Variants in LRP1B observed in about 807,000 individuals in gnomAD.
LRP1B encodes low-density lipoprotein receptor-related protein 1B.
LRP1B carries 217 observed loss-of-function variants against 556.6 expected under a neutral mutation model. That is an observed-to-expected ratio of 0.39 (90% CI 0.35 to 0.44). The LOEUF (loss-of-function observed/expected upper bound fraction) is 0.44, where lower values mean the gene tolerates loss of function less well. Among genes scored for constraint, LRP1B ranks in the 20% least tolerant of loss-of-function variants. The pLI, the probability that LRP1B is intolerant of heterozygous loss-of-function variation, is 1.00. For synonymous variants in LRP1B, 2,047 were observed against 1,865.8 expected (o/e 1.10, Z -2.50); for missense variants, 5,053 against 5,620.8 (o/e 0.90, Z 3.23).
At chr2:141,917,356 T>TGGTG (rs1700064924) in intron 1 of LRP1B, among the ~76,000 whole-genome samples, 1 of 152,148 alleles carries the variant, frequency 6.6e-6, no homozygotes. Context: ...GTATGGTGTG[T>TGGTG]GGTGTGTAGA....
In LRP1B at chr2:141,271,738, C is replaced by A. The variant is rs183044522; in HGVS notation, c.344-17097G>T. On this transcript the variant is annotated intron_variant, in intron 3 of 90. Transcript: ENST00000389484. ...TAAAGGAAATTCTTTAGACACAGAA[C>A]AATTGACTGCAGATAGTAAGTAGAA... 2.3e-4 allele frequency among the ~76,000 whole-genome samples: 34 copies of A among 145,454 alleles called. 1 individual carries two copies. In the East Asian group the frequency reaches 6.4e-3, roughly 27 times the overall value.
intron 3 of LRP1B, among the ~76,000 whole-genome samples, chr2:141,424,160 C>T: frequency 7.2e-6 from 1 of 139,246 alleles, no homozygotes; most frequent in Non-Finnish European, 1.5e-5. Flanking sequence ...GTTGCCTGGG[C>T]TGGAGGGCAA....
chr2:141,386,273 C>T (rs1394675074), intron 3 of LRP1B, among the ~76,000 whole-genome samples: 1 of 152,070 alleles, frequency 6.6e-6, no homozygotes. Context: ...ATCCAAAACA[C>T]TTATGGTTTC....
At chr2:141,792,449 A>G (rs1695645592) in intron 2 of LRP1B, among the ~76,000 whole-genome samples, 2 of 152,026 alleles carry the variant, frequency 1.3e-5, no homozygotes, top group African/African-American at 4.8e-5. Context: ...ATGTTTCATC[A>G]TGAAAAATTA....
chr2:140,878,465 G>A (rs1447128113), intron 25 of LRP1B, among the ~76,000 whole-genome samples: 2 of 151,994 alleles, frequency 1.3e-5, no homozygotes, highest in Non-Finnish European at 2.9e-5. Flanking sequence ...TTAATATAAA[G>A]CTGATAGGCT....
chr2:141,674,754 T>C (rs1690811802), intron 2 of LRP1B, among the ~76,000 whole-genome samples: 1 of 152,034 alleles, frequency 6.6e-6, no homozygotes, highest in African/African-American at 2.4e-5. Flanking sequence ...CAGGGAATTG[T>C]ATCCAGATAT....
At chr2:141,525,598 T>C (rs940180689) in intron 2 of LRP1B, among the ~76,000 whole-genome samples, 1 of 152,036 alleles carries the variant, frequency 6.6e-6, no homozygotes, top group African/African-American at 2.4e-5. Context: ...TGGTCACTCA[T>C]AGCACTTTTT....
At chr2:141,609,115 C>T (rs971947898) in intron 2 of LRP1B, among the ~76,000 whole-genome samples, 7 of 152,076 alleles carry the variant, frequency 4.6e-5, no homozygotes, top group East Asian at 1.9e-4. Context: ...TAATATCTTA[C>T]GTCAACAATG....
At position 141,828,522 on chromosome 2, in the gene LRP1B, A is replaced by G. The variant is rs534363205; in HGVS notation, c.83-18121T>C. Among the ~76,000 whole-genome samples, 6 of 152,320 alleles carry G rather than the reference A, an allele frequency of 3.9e-5. No individual in the cohort carries two copies. The East Asian group carries it at 1.2e-3, about 29-fold the overall frequency. ...TCTATAAAGAACGGAGAAAAGATGAATAAGTAATATTCTCAAGCGAGCTGA... is the reference window on the plus strand; with the variant it reads ...TCTATAAAGAACGGAGAAAAGATGAGTAAGTAATATTCTCAAGCGAGCTGA... On this transcript the variant is annotated intron_variant, in intron 1 of 90. Transcript: ENST00000389484.
intron 1 of LRP1B, among the ~76,000 whole-genome samples, chr2:141,828,600 C>T (rs1319143882): frequency 6.6e-6 from 1 of 152,070 alleles, no homozygotes; most frequent in African/African-American, 2.4e-5. Flanking sequence ...TCTATCTTTT[C>T]TGTCGTTTAA....
intron 32 of LRP1B, among the ~76,000 whole-genome samples, chr2:140,778,674 C>T (rs1451051524): frequency 1.3e-5 from 2 of 152,002 alleles, no homozygotes; most frequent in African/African-American, 2.4e-5. Context: ...TAATGATATG[C>T]TCTTTGCTAT....
intron 20 of LRP1B, among the ~76,000 whole-genome samples, chr2:140,928,385 T>C (rs546042464): frequency 2.0e-5 from 3 of 152,150 alleles, no homozygotes; most frequent in Non-Finnish European, 4.4e-5. Flanking sequence ...TTATGGCTCA[T>C]TTTACATATC....
chr2:140,430,583 A>T (rs778000449), intron 66 of LRP1B, among the ~76,000 whole-genome samples: 1 of 152,132 alleles, frequency 6.6e-6, no homozygotes, highest in Non-Finnish European at 1.5e-5. Context: ...TCTCCTTCAC[A>T]TCGGTCACTC....
intron 35 of LRP1B, among the ~76,000 whole-genome samples, chr2:140,768,069 T>C (rs1689178349): frequency 6.6e-6 from 1 of 151,954 alleles, no homozygotes. Flanking sequence ...AATTAACATA[T>C]TGCTTAATAA....
At chr2:141,650,327 T>C (rs1689738867) in intron 2 of LRP1B, among the ~76,000 whole-genome samples, 1 of 152,210 alleles carries the variant, frequency 6.6e-6, no homozygotes, top group Non-Finnish European at 1.5e-5. Context: ...AGTATGGTTT[T>C]TCTAGAGAGT....
intron 1 of LRP1B, among the ~76,000 whole-genome samples, chr2:142,086,833 C>T (rs1000495821): frequency 1.3e-5 from 2 of 152,158 alleles, no homozygotes; most frequent in Admixed American, 6.5e-5. Context: ...AGACTGAATA[C>T]TGTATCAGAG....
At chr2:141,485,258 C>T (rs1248321400) in intron 2 of LRP1B, among the ~76,000 whole-genome samples, 3 of 152,146 alleles carry the variant, frequency 2.0e-5, no homozygotes, top group Non-Finnish European at 2.9e-5. Context: ...CATGAGACAG[C>T]TGGATCATGG....
At chr2:141,524,414 T>C (rs1189246809) in intron 2 of LRP1B, among the ~76,000 whole-genome samples, 1 of 152,068 alleles carries the variant, frequency 6.6e-6, no homozygotes, top group Non-Finnish European at 1.5e-5. Context: ...TGATCTAGAG[T>C]TCACTAAGAC....
chr2:141,770,160 CTTTT>C (rs556968194), intron 2 of LRP1B, among the ~76,000 whole-genome samples: 1 of 146,846 alleles, frequency 6.8e-6, no homozygotes, highest in Non-Finnish European at 1.5e-5. Flanking sequence ...GGCTACTTTT[CTTTT>C]TTTTTTTCAC....
Sources: gnomAD v4.1 joint callset for allele counts (sites outside exome capture counted in the v4.1 genomes callset) on GRCh38, gnomAD v4.1.1 for gene constraint, MANE v1.5 for transcripts, NCBI Gene and HGNC (gene_info 2026-07-23, HGNC 2026-07-21) for gene names.